ELAVL2: variants seen among roughly 807,000 people sequenced by gnomAD.
The protein encoded by ELAVL2 is ELAV-like protein 2.
Under a neutral mutation model 34.6 loss-of-function variants are expected in ELAVL2, and 4 were observed. The ratio of observed to expected loss-of-function variants is 0.12; its 90% CI spans 0.06 to 0.26. The LOEUF (loss-of-function observed/expected upper bound fraction) is 0.26. ELAVL2 is among the 10% of genes least tolerant of loss of function. The pLI is 1.00. For missense variants in ELAVL2, 432 were observed against 442.8 expected (o/e 0.98, Z 0.22); for synonymous variants, 193 against 154.8 (o/e 1.25, Z -1.83).
intron 2 of ELAVL2, among the ~76,000 whole-genome samples, chr9:23,743,623 T>TTGC (rs1327954295): frequency 6.6e-6 from 1 of 152,142 alleles, no homozygotes; most frequent in Non-Finnish European, 1.5e-5. Flanking sequence ...CATCTGACCA[T>TTGC]TGCTGCTAAT....
At chr9:23,791,147 A>C (rs1228783797) in intron 1 of ELAVL2, among the ~76,000 whole-genome samples, 1 of 152,240 alleles carries the variant, frequency 6.6e-6, no homozygotes, top group Non-Finnish European at 1.5e-5. Flanking sequence ...TCAATTGTCA[A>C]AACTCAACTT....
At chr9:23,727,604 T>TA (rs757136146) in intron 3 of ELAVL2, among the ~76,000 whole-genome samples, 4 of 151,966 alleles carry the variant, frequency 2.6e-5, no homozygotes, top group Non-Finnish European at 2.9e-5. Context: ...GGAAGCATAA[T>TA]AAAAAACAGA....
At chr9:23,812,087 T>C (rs1474037477) in intron 1 of ELAVL2, among the ~76,000 whole-genome samples, 6 of 152,132 alleles carry the variant, frequency 3.9e-5, no homozygotes, top group Admixed American at 3.9e-4. Context: ...AAGCACTCAG[T>C]TTCTACTATT....
Position 23,731,085 on chromosome 9 carries a change from G to C in ELAVL2, c.270C>G (p.Pro90=). Residue 90 remains proline, a synonymous_variant, in exon 3 of 7, where the codon CCC becomes CCG. Coordinates refer to ENST00000397312, the MANE Select transcript of ELAVL2 (RefSeq NM_004432.5). The part of the protein sequence containing the change: ...LGYGFVNYID[P]KDAEKAINTL... The stretch of plus-strand genomic sequence containing the variant: ...TGTTGATAGCTTTCTCTGCATCCTT[G>C]GGGTCAATGTAGTTCACAAAGCCAT... 2 of 1,613,110 alleles carry C rather than the reference G, an allele frequency of 1.2e-6. No homozygotes were observed. Among genetic ancestry groups the C allele is most frequent in the South Asian group, 2.2e-5 (2 of 90,994 alleles).
chr9:23,725,153 C>T (rs2044758053), intron 3 of ELAVL2, among the ~76,000 whole-genome samples: 1 of 152,108 alleles, frequency 6.6e-6, no homozygotes, highest in South Asian at 2.1e-4. Flanking sequence ...ACCTTCCTCT[C>T]CGAATAAATA....
chr9:23,751,039 A>G (rs2051849796), intron 2 of ELAVL2, among the ~76,000 whole-genome samples: 1 of 152,134 alleles, frequency 6.6e-6, no homozygotes, highest in African/African-American at 2.4e-5. Flanking sequence ...CAGGTTGTAA[A>G]GAGTCAAGGG....
chr9:23,809,625 T>C (rs1319016301), intron 1 of ELAVL2, among the ~76,000 whole-genome samples: 1 of 152,196 alleles, frequency 6.6e-6, no homozygotes, highest in Non-Finnish European at 1.5e-5. Flanking sequence ...ATGTACTATA[T>C]TCTTTCTTTA....
At chr9:23,821,969 C>G (rs1183302162) in intron 1 of ELAVL2, 1 of 151,578 alleles carries the variant, frequency 6.6e-6, no homozygotes, top group Middle Eastern at 3.4e-3. Context: ...GGGTCCGTGC[C>G]GGCAGGGAGA....
the ELAVL2 span, among the ~76,000 whole-genome samples, chr9:23,845,783 T>G: frequency 6.6e-6 from 1 of 151,716 alleles, no homozygotes; most frequent in Non-Finnish European, 1.5e-5. Context: ...GTGTGAGCTC[T>G]CTGCATTTAA....
intron 3 of ELAVL2, among the ~76,000 whole-genome samples, chr9:23,721,271 A>C (rs987497019): frequency 1.3e-5 from 2 of 152,218 alleles, no homozygotes; most frequent in African/African-American, 4.8e-5. Context: ...TAGCCTCTTC[A>C]AAAAGGCCAC....
chr9:23,797,389 C>G (rs1488838375), intron 1 of ELAVL2, among the ~76,000 whole-genome samples: 1 of 152,186 alleles, frequency 6.6e-6, no homozygotes, highest in Non-Finnish European at 1.5e-5. Context: ...AATATAAACA[C>G]AAACTAAATG....
intron 4 of ELAVL2, among the ~76,000 whole-genome samples, chr9:23,702,809 TTGAG>T (rs539686355): frequency 4.2e-4 from 63 of 151,718 alleles, no homozygotes; most frequent in African/African-American, 1.2e-3. Flanking sequence ...TTCAGGTAAA[TTGAG>T]TAAGTTCACT....
chr9:23,837,847 T>A, the ELAVL2 span, among the ~76,000 whole-genome samples: 1 of 152,194 alleles, frequency 6.6e-6, no homozygotes, highest in Non-Finnish European at 1.5e-5. Context: ...TGCTCTCTAC[T>A]GCTGACAAAT....
chr9:23,758,649 C>T (rs900989898), intron 2 of ELAVL2, among the ~76,000 whole-genome samples: 14 of 152,070 alleles, frequency 9.2e-5, no homozygotes, highest in African/African-American at 3.1e-4. Context: ...CAAATGATTT[C>T]AAAAGCTTTT....
At chr9:23,747,004 C>T (rs2050667479) in intron 2 of ELAVL2, among the ~76,000 whole-genome samples, 1 of 152,068 alleles carries the variant, frequency 6.6e-6, no homozygotes, top group Non-Finnish European at 1.5e-5. Context: ...ACAATTCCCT[C>T]CTTCTCTACC....
chr9:23,815,063 A>G (rs1160631655), intron 1 of ELAVL2, among the ~76,000 whole-genome samples: 1 of 151,888 alleles, frequency 6.6e-6, no homozygotes, highest in Non-Finnish European at 1.5e-5. Flanking sequence ...CAATGAGGGG[A>G]AAAAAATGTA....
At chr9:23,709,799 G>C (rs1287342524) in intron 3 of ELAVL2, among the ~76,000 whole-genome samples, 1 of 152,164 alleles carries the variant, frequency 6.6e-6, no homozygotes, top group Non-Finnish European at 1.5e-5. Context: ...GTTATGAAAT[G>C]TCAAAACTAC....
intron 1 of ELAVL2, among the ~76,000 whole-genome samples, chr9:23,802,026 G>A (rs965380053): frequency 6.6e-6 from 1 of 152,096 alleles, no homozygotes; most frequent in African/African-American, 2.4e-5. Flanking sequence ...GTTTCGTTTT[G>A]TTTTTTTAAG....
At chr9:23,790,064 A>AG (rs200036587) in intron 1 of ELAVL2, among the ~76,000 whole-genome samples, 76 of 150,340 alleles carry the variant, frequency 5.1e-4, no homozygotes, top group Middle Eastern at 6.8e-3. Flanking sequence ...ATGGTAAAAA[A>AG]GGGGAAAAAA....
Sources: allele counts gnomAD v4.1 joint callset (sites outside exome capture counted in the v4.1 genomes callset), GRCh38; gene constraint gnomAD v4.1.1; transcripts MANE v1.5; gene names NCBI Gene and HGNC (gene_info 2026-07-23, HGNC 2026-07-21).